The following ADAMTSL1 variants were observed in gnomAD, a reference collection of about 807,000 sequenced individuals.
ADAMTSL1 encodes the protein ADAMTS like 1.
A neutral mutation model predicts 201.8 loss-of-function variants in ADAMTSL1; 126 were observed. The observed-to-expected ratio is 0.62, with a 90% confidence interval of 0.54 to 0.72. ADAMTSL1 has a LOEUF of 0.72. Among genes scored for constraint, ADAMTSL1 ranks in the 30% least tolerant of loss-of-function variants. ADAMTSL1 has a pLI of 0.00. For missense variants in ADAMTSL1, 2,679 were observed against 2,277.8 expected (o/e 1.18, Z -3.59); for synonymous variants, 1,121 against 903.4 (o/e 1.24, Z -4.32).
At chr9:18,087,493 A>G in intron 1 of ADAMTSL1, among the ~76,000 whole-genome samples, 1 of 152,002 alleles carries the variant, frequency 6.6e-6, no homozygotes, top group Admixed American at 6.6e-5. Context: ...CAAAATTTTT[A>G]ATTTTTTTAA....
chr9:18,225,168 A>G (rs761398745), intron 2 of ADAMTSL1, among the ~76,000 whole-genome samples: 2 of 152,170 alleles, frequency 1.3e-5, no homozygotes, highest in Non-Finnish European at 2.9e-5. Flanking sequence ...TAACCTCTCA[A>G]AAGCATTTTG....
intron 1 of ADAMTSL1, among the ~76,000 whole-genome samples, chr9:18,138,689 A>G (rs193091951): frequency 9.2e-5 from 14 of 152,258 alleles, no homozygotes; most frequent in African/African-American, 3.4e-4. Context: ...GAGTTCTAGG[A>G]GTCCCAGAGA....
rs141254354 is a variant in ADAMTSL1 at position 18,592,619 on chromosome 9, C to T, written c.474+18353C>T. Among the ~76,000 whole-genome samples the T allele has an allele frequency of 9.0e-3, 1,365 of 152,276 alleles. 20 individuals carry two copies. Among genetic ancestry groups the T allele is most frequent in the African/African-American group, 0.028 (1,175 of 41,562 alleles). On this transcript the variant is annotated intron_variant, in intron 4 of 28. Transcript: ENST00000380548. ...TCTCAGTACCATGCTATTTTCGTTA[C>T]TATATCTCTGTAGTAAAATTTGAAG...
chr9:18,433,128 G>A (rs572715362), intron 2 of ADAMTSL1, among the ~76,000 whole-genome samples: 1 of 152,122 alleles, frequency 6.6e-6, no homozygotes, highest in South Asian at 2.1e-4. Flanking sequence ...TGTAAAATGT[G>A]AATAGATGAG....
intron 2 of ADAMTSL1, among the ~76,000 whole-genome samples, chr9:18,315,597 C>G (rs1287335042): frequency 1.3e-5 from 2 of 152,164 alleles, no homozygotes; most frequent in African/African-American, 4.8e-5. Context: ...TGCTAAGTCC[C>G]TCACTGCCCG....
intron 5 of ADAMTSL1, chr9:18,622,642 C>T (rs1826109740): frequency 1.8e-6 from 1 of 559,282 alleles, no homozygotes; most frequent in Non-Finnish European, 3.2e-6. Context: ...CAAACATGAG[C>T]TTTGCTGTCC....
At chr9:18,235,702 G>A (rs1830821923) in intron 2 of ADAMTSL1, among the ~76,000 whole-genome samples, 1 of 152,188 alleles carries the variant, frequency 6.6e-6, no homozygotes, top group African/African-American at 2.4e-5. Context: ...CAGTTACACA[G>A]CTTTTGACTC....
rs772733050 is a variant in ADAMTSL1, at chr9:18,777,520, C to T, written c.3291C>T (p.Ser1097=). 7 of 1,601,222 alleles carry T rather than the reference C, an allele frequency of 4.4e-6. No homozygotes were observed. In the Admixed American group the frequency reaches 1.2e-4, roughly 28 times the overall value. ...CCGAGGAGCTGCGCGACCTCTACAG[C>T]AAGCACCTGGTGGCCCAGCTGGCCC... ...QQPEELRDLY[S]KHLVAQLAQE... is the part of the protein sequence containing the mutation. The change falls in exon 19 of 29, where the codon AGC becomes AGT. Residue 1097 remains serine (S), a synonymous_variant. Transcript: ENST00000380548.
At chr9:18,574,563 G>A in intron 4 of ADAMTSL1, 1 of 535,516 alleles carries the variant, frequency 1.9e-6, no homozygotes, top group Non-Finnish European at 3.3e-6. Context: ...ATTATCCCCT[G>A]GATTGGCTAT....
chr9:18,410,411 T>C (rs1043488491), intron 2 of ADAMTSL1, among the ~76,000 whole-genome samples: 4 of 152,132 alleles, frequency 2.6e-5, no homozygotes, highest in African/African-American at 9.7e-5. Flanking sequence ...GTGTGTGTTG[T>C]TCTCCGCCAT....
At chr9:18,023,584 G>C (rs868053143) in intron 1 of ADAMTSL1, among the ~76,000 whole-genome samples, 1 of 152,144 alleles carries the variant, frequency 6.6e-6, no homozygotes. Context: ...CCCGTGGATG[G>C]AGCAGAGTAG....
At chr9:18,066,871 G>T (rs1389216957) in intron 1 of ADAMTSL1, among the ~76,000 whole-genome samples, 2 of 152,144 alleles carry the variant, frequency 1.3e-5, no homozygotes. Context: ...ATCATTCTCA[G>T]TAAACTATTG....
intron 2 of ADAMTSL1, among the ~76,000 whole-genome samples, chr9:18,372,054 A>G (rs2809862): frequency 0.41 from 62,303 of 152,066 alleles, 13,257 homozygotes; most frequent in Non-Finnish European, 0.48. Flanking sequence ...GGCTTGAATA[A>G]CAAAGAGACT....
At chr9:18,174,008 A>G (rs1387938759) in intron 2 of ADAMTSL1, among the ~76,000 whole-genome samples, 3 of 152,182 alleles carry the variant, frequency 2.0e-5, no homozygotes, top group African/African-American at 4.8e-5. Flanking sequence ...CGAATGATGA[A>G]TATCACATAT....
intron 2 of ADAMTSL1, among the ~76,000 whole-genome samples, chr9:18,291,864 G>T (rs567430102): frequency 3.3e-5 from 5 of 151,930 alleles, no homozygotes; most frequent in Non-Finnish European, 5.9e-5. Flanking sequence ...GCCGTTGCCT[G>T]TCTGGTGAGA....
At chr9:18,128,126 T>C (rs1270273244) in intron 1 of ADAMTSL1, among the ~76,000 whole-genome samples, 3 of 152,148 alleles carry the variant, frequency 2.0e-5, no homozygotes, top group Admixed American at 1.3e-4. Flanking sequence ...GAATTTTAGT[T>C]AGGTAGAAAG....
intron 21 of ADAMTSL1, among the ~76,000 whole-genome samples, chr9:18,817,796 G>T (rs971587311): frequency 2.6e-5 from 4 of 152,250 alleles, no homozygotes; most frequent in Non-Finnish European, 5.9e-5. Flanking sequence ...ACTCAGGGCA[G>T]TGAGGATGGG....
At chr9:17,939,450 T>G (rs942056688) in intron 1 of ADAMTSL1, among the ~76,000 whole-genome samples, 2 of 152,096 alleles carry the variant, frequency 1.3e-5, no homozygotes, top group Non-Finnish European at 2.9e-5. Flanking sequence ...AATACTGACA[T>G]TTTCACCTCA....
chr9:18,906,540 G>A (rs1226670383), intron 27 of ADAMTSL1, among the ~76,000 whole-genome samples, 152 bp from the exon 28 acceptor site: 1 of 152,172 alleles, frequency 6.6e-6, no homozygotes, highest in African/African-American at 2.4e-5. Context: ...TGGCCTTTTA[G>A]TAACAGCACA....
Sources: gnomAD v4.1 joint callset for allele counts (sites outside exome capture counted in the v4.1 genomes callset) on GRCh38, gnomAD v4.1.1 for gene constraint, MANE v1.5 for transcripts, NCBI Gene and HGNC (gene_info 2026-07-23, HGNC 2026-07-21) for gene names.